The following MSRB3 variants were observed in gnomAD, a reference collection of about 807,000 sequenced individuals.
The protein encoded by MSRB3 is methionine sulfoxide reductase B3.
A neutral mutation model predicts 21.0 loss-of-function variants in MSRB3; 13 were observed. That is an observed-to-expected ratio of 0.62 (90% CI 0.40 to 0.98). The LOEUF (loss-of-function observed/expected upper bound fraction) is 0.98. Among genes scored for constraint, MSRB3 ranks in the 50% least tolerant of loss-of-function variants. The probability of loss-of-function intolerance (pLI) is 0.00; values close to 1 mark genes in which losing one functional copy is unlikely to be tolerated. For synonymous variants in MSRB3, 87 were observed against 88.6 expected (o/e 0.98, Z 0.10); for missense variants, 199 against 230.3 (o/e 0.86, Z 0.88).
chr12:65,324,155 G>T (rs115365000), intron 2 of MSRB3, among the ~76,000 whole-genome samples: 2,346 of 152,240 alleles, frequency 0.015, 44 homozygotes, highest in East Asian at 0.055. Flanking sequence ...GAAAAGCCAG[G>T]ATGTAAAAAA....
intron 3 of MSRB3, among the ~76,000 whole-genome samples, chr12:65,327,311 T>C (rs1875112198): frequency 6.6e-6 from 1 of 152,246 alleles, no homozygotes; most frequent in Non-Finnish European, 1.5e-5. Flanking sequence ...AGGTGGCCAT[T>C]GTAAGTATAG....
intron 5 of MSRB3, among the ~76,000 whole-genome samples, chr12:65,421,993 A>G (rs1264713827): frequency 6.6e-6 from 1 of 152,180 alleles, no homozygotes; most frequent in Admixed American, 6.6e-5. Context: ...CCCATCTAAC[A>G]TGCAACGACA....
chr12:65,318,607 A>G (rs1445032644), intron 2 of MSRB3, among the ~76,000 whole-genome samples: 1 of 152,192 alleles, frequency 6.6e-6, no homozygotes, highest in Non-Finnish European at 1.5e-5. Flanking sequence ...ATGCAATCAG[A>G]TAGAATTGAA....
At chr12:65,410,193 T>C (rs1880641918) in intron 5 of MSRB3, among the ~76,000 whole-genome samples, 1 of 152,224 alleles carries the variant, frequency 6.6e-6, no homozygotes, top group Non-Finnish European at 1.5e-5. Flanking sequence ...GGTATTTATG[T>C]ACTTTATTGC....
intron 2 of MSRB3, among the ~76,000 whole-genome samples, chr12:65,324,294 A>G (rs1874875087): frequency 6.6e-6 from 1 of 152,188 alleles, no homozygotes; most frequent in African/African-American, 2.4e-5. Context: ...ACAAACAAAG[A>G]AAGCTGGAAT....
At chr12:65,401,563 A>G (rs770710149) in intron 5 of MSRB3, among the ~76,000 whole-genome samples, 8 of 152,148 alleles carry the variant, frequency 5.3e-5, no homozygotes, top group African/African-American at 1.9e-4. Context: ...CTCTTTATCC[A>G]ATTTGCTAGT....
At chr12:65,436,051 T>C (rs1028660159) in intron 5 of MSRB3, among the ~76,000 whole-genome samples, 10 of 151,850 alleles carry the variant, frequency 6.6e-5, no homozygotes, top group African/African-American at 2.2e-4. Flanking sequence ...GAAGTTTCAA[T>C]ATAGTGTCCC....
chr12:65,308,563 G>A lies in MSRB3; in HGVS notation c.-17G>A. 6.2e-7 allele frequency: 1 copy of A among 1,613,730 alleles called. No homozygotes were observed. The highest frequency in any genetic ancestry group is 1.1e-5 in the South Asian group (1 of 91,076). ...CTGTTCTTTGCTTCTCGTTTTGTTGGTGAAGATATCACAGTGATGTCTGCA... is the reference window on the plus strand; with the variant it reads ...CTGTTCTTTGCTTCTCGTTTTGTTGATGAAGATATCACAGTGATGTCTGCA... On this transcript the variant is annotated 5_prime_UTR_variant, in exon 2 of 7. The change creates a new upstream start codon in the 5' untranslated region. Coordinates refer to ENST00000308259, the MANE Select transcript of MSRB3 (RefSeq NM_001031679.3).
At chr12:65,356,830 G>A (rs1285321656) in intron 4 of MSRB3, among the ~76,000 whole-genome samples, 1 of 151,734 alleles carries the variant, frequency 6.6e-6, no homozygotes, top group African/African-American at 2.4e-5. Context: ...GGGAACAAGT[G>A]GTTTAGTACA....
chr12:65,411,162 C>G (rs1300054472), intron 5 of MSRB3, among the ~76,000 whole-genome samples: 1 of 152,160 alleles, frequency 6.6e-6, no homozygotes, highest in Non-Finnish European at 1.5e-5. Context: ...TCTTTTCCTA[C>G]TTATATAACA....
chr12:65,370,340 A>G (rs1161521823), intron 5 of MSRB3, among the ~76,000 whole-genome samples: 2 of 152,102 alleles, frequency 1.3e-5, no homozygotes, highest in Non-Finnish European at 2.9e-5. Context: ...GGAGAGTGTA[A>G]TTTTACCTAA....
chr12:65,287,295 TA>T (rs201970299), intron 1 of MSRB3, among the ~76,000 whole-genome samples: 1 of 151,668 alleles, frequency 6.6e-6, no homozygotes, highest in Non-Finnish European at 1.5e-5. Flanking sequence ...GCTAATTTTT[TA>T]AAAAAAATTT....
intron 6 of MSRB3, among the ~76,000 whole-genome samples, chr12:65,458,805 A>G (rs946311911): frequency 6.6e-6 from 1 of 152,196 alleles, no homozygotes; most frequent in East Asian, 1.9e-4. Context: ...ATTTTCAGCT[A>G]TAAAGAATTT....
At chr12:65,359,108 A>G (rs934331934) in intron 4 of MSRB3, among the ~76,000 whole-genome samples, 2 of 152,040 alleles carry the variant, frequency 1.3e-5, no homozygotes, top group African/African-American at 4.8e-5. Context: ...AGTTACCATT[A>G]TATATAATAA....
intron 5 of MSRB3, among the ~76,000 whole-genome samples, chr12:65,443,521 G>T (rs1882479136): frequency 6.6e-6 from 1 of 152,014 alleles, no homozygotes; most frequent in South Asian, 2.1e-4. Context: ...CCATATTCAG[G>T]CTAAGTGATT....
intron 5 of MSRB3, among the ~76,000 whole-genome samples, chr12:65,405,758 C>T (rs1196871078): frequency 6.6e-6 from 1 of 151,978 alleles, no homozygotes; most frequent in African/African-American, 2.4e-5. Context: ...CTTTCACCTT[C>T]TTGATAATAG....
chr12:65,386,924 A>G (rs1006111771), intron 5 of MSRB3, among the ~76,000 whole-genome samples: 1 of 152,048 alleles, frequency 6.6e-6, no homozygotes, highest in Non-Finnish European at 1.5e-5. Context: ...CAATTTTGTC[A>G]TAAGTGAAAG....
At chr12:65,380,995 C>A (rs1457516426) in intron 5 of MSRB3, among the ~76,000 whole-genome samples, 1 of 152,166 alleles carries the variant, frequency 6.6e-6, no homozygotes, top group Non-Finnish European at 1.5e-5. Flanking sequence ...TTTTCTCCCC[C>A]TCCAAGTAGT....
At chr12:65,292,728 GC>G (rs1488243938) in intron 1 of MSRB3, among the ~76,000 whole-genome samples, 1 of 152,088 alleles carries the variant, frequency 6.6e-6, no homozygotes, top group East Asian at 1.9e-4. Context: ...ATGAGCAGCA[GC>G]CCTGAGGTAA....
Sources: allele counts gnomAD v4.1 joint callset (sites outside exome capture counted in the v4.1 genomes callset), GRCh38; gene constraint gnomAD v4.1.1; transcripts MANE v1.5; gene names NCBI Gene and HGNC (gene_info 2026-07-23, HGNC 2026-07-21).